STPG2: variants seen among roughly 807,000 people sequenced by gnomAD.
STPG2 encodes the protein sperm tail PG-rich repeat containing 2, also known as sperm-tail PG-rich repeat-containing protein 2.
Under a neutral mutation model 54.2 loss-of-function variants are expected in STPG2, and 56 were observed. That is an observed-to-expected ratio of 1.03 (90% confidence interval 0.83 to 1.29). The LOEUF (loss-of-function observed/expected upper bound fraction) is 1.29, where lower values mean the gene tolerates loss of function less well. STPG2 is among the 50% of genes most tolerant of loss of function. The probability of loss-of-function intolerance (pLI) is 0.00; values close to 1 mark genes in which losing one functional copy is unlikely to be tolerated. For synonymous variants in STPG2, 200 were observed against 181.8 expected (o/e 1.10, Z -0.81); for missense variants, 596 against 544.9 (o/e 1.09, Z -0.93).
chr4:98,031,952 A>C (rs1736613395), intron 5 of STPG2, among the ~76,000 whole-genome samples: 1 of 152,256 alleles, frequency 6.6e-6, no homozygotes, highest in Admixed American at 6.5e-5. Flanking sequence ...AATGGCCAAC[A>C]AACATGAAAA....
chr4:97,836,913 TTAA>T (rs1391853472), intron 9 of STPG2, among the ~76,000 whole-genome samples: 1 of 150,270 alleles, frequency 6.7e-6, no homozygotes, highest in Non-Finnish European at 1.5e-5. Flanking sequence ...TTAATTAACA[TTAA>T]TATTAAGCTC....
chr4:98,141,128 TA>T lies in STPG2; in HGVS notation c.109+1913del, dbSNP rs1740269824. ...TCACGCCCTACAAACTATACATTCT[TA>T]TCAGATGGATTTTATTTAATCCTAT... On this transcript the variant is annotated intron_variant, in intron 1 of 10. Coordinates refer to ENST00000295268, the MANE Select transcript of STPG2 (RefSeq NM_174952.3). 2.0e-5 allele frequency among the ~76,000 whole-genome samples: 3 copies of T among 152,316 alleles called. No homozygotes were observed. In the South Asian group the frequency reaches 6.2e-4, roughly 32 times the overall value.
At chr4:97,525,085 G>A (rs557845609) in intron 4 of STPG2, among the ~76,000 whole-genome samples, 2 of 151,916 alleles carry the variant, frequency 1.3e-5, no homozygotes, top group African/African-American at 4.8e-5. Flanking sequence ...ATTTGAAGAT[G>A]TTATTTATAA....
At chr4:97,820,840 T>C (rs1174261955) in intron 9 of STPG2, among the ~76,000 whole-genome samples, 5 of 152,158 alleles carry the variant, frequency 3.3e-5, no homozygotes, top group South Asian at 2.1e-4. Flanking sequence ...CATTCTCTAT[T>C]GTAAGGAAAG....
At chr4:97,455,929 G>C (rs1729505318) in intron 4 of STPG2, among the ~76,000 whole-genome samples, 1 of 152,148 alleles carries the variant, frequency 6.6e-6, no homozygotes, top group Non-Finnish European at 1.5e-5. Flanking sequence ...CTGAAGAAGT[G>C]AGCCACTCCT....
At chr4:97,786,396 A>C (rs908220368) in intron 9 of STPG2, among the ~76,000 whole-genome samples, 11 of 152,014 alleles carry the variant, frequency 7.2e-5, no homozygotes, top group Non-Finnish European at 1.2e-4. Flanking sequence ...TTCTACTCTA[A>C]AGAGTCGACA....
chr4:98,037,605 A>G (rs970482379), intron 5 of STPG2, among the ~76,000 whole-genome samples: 4 of 152,074 alleles, frequency 2.6e-5, no homozygotes, highest in Non-Finnish European at 5.9e-5. Flanking sequence ...AAAAAAAGAA[A>G]GGGAAAGAGG....
chr4:98,106,034 G>A lies in STPG2; in HGVS notation c.531C>T (p.Asn177=), dbSNP rs755340295. The change falls in exon 5 of 11, where the codon AAC becomes AAT. Residue 177 remains asparagine (N), a synonymous_variant. Coordinates refer to ENST00000295268, the MANE Select transcript of STPG2 (RefSeq NM_174952.3). ...QKKTSYYENV[N]IKRDQQQNYC... is the part of the protein sequence containing the mutation. Reference sequence around the variant, plus strand: ...AATTTTGTTGTTGATCTCTCTTGATGTTAACATTTTCATAATATGATGTCT... The same window carrying A: ...AATTTTGTTGTTGATCTCTCTTGATATTAACATTTTCATAATATGATGTCT... 84 of 1,488,368 alleles carry A rather than the reference G, an allele frequency of 5.6e-5. No individual in the cohort carries two copies. The Middle Eastern group carries it at 1.2e-3, about 22-fold the overall frequency. 92.2% of individuals were successfully genotyped at this position (1,488,368 alleles called of 1,614,324 possible).
chr4:98,065,225 G>C (rs1374072301), intron 5 of STPG2, among the ~76,000 whole-genome samples: 1 of 151,908 alleles, frequency 6.6e-6, no homozygotes, highest in East Asian at 1.9e-4. Flanking sequence ...TTCTATTCAA[G>C]GCAACAAAAT....
chr4:97,635,082 G>A (rs563667365), intron 10 of STPG2, among the ~76,000 whole-genome samples: 1 of 152,088 alleles, frequency 6.6e-6, no homozygotes, highest in Non-Finnish European at 1.5e-5. Flanking sequence ...GTTAAGGGCA[G>A]CCAGAGAGAA....
intron 9 of STPG2, among the ~76,000 whole-genome samples, chr4:97,793,161 C>T (rs186630194): frequency 1.4e-3 from 207 of 151,990 alleles, no homozygotes; most frequent in Admixed American, 0.012. Context: ...AAGTCACTTT[C>T]GCAGTAAGAC....
chr4:97,838,139 C>T (rs926919108), intron 9 of STPG2, among the ~76,000 whole-genome samples: 7 of 151,422 alleles, frequency 4.6e-5, no homozygotes, highest in Non-Finnish European at 1.0e-4. Flanking sequence ...ATAATTTTAT[C>T]TGATGTATAA....
intron 4 of STPG2, among the ~76,000 whole-genome samples, chr4:97,506,019 CAAAAAAAAAAAAAA>C (rs59206485): frequency 3.5e-4 from 6 of 16,922 alleles, no homozygotes; most frequent in Non-Finnish European, 7.5e-4. Context: ...AATAGGAGAC[CAAAAAAAAAAAAAA>C]AAAAAAAAAA....
chr4:98,013,040 G>A (rs1012405532), intron 5 of STPG2, among the ~76,000 whole-genome samples: 2 of 152,178 alleles, frequency 1.3e-5, no homozygotes, highest in Non-Finnish European at 2.9e-5. Flanking sequence ...GTTTTTAAAG[G>A]GAATGCCTCC....
At chr4:97,517,099 C>T (rs952799404) in intron 4 of STPG2, among the ~76,000 whole-genome samples, 8 of 151,664 alleles carry the variant, frequency 5.3e-5, no homozygotes, top group South Asian at 2.1e-4. Flanking sequence ...GTAAAGACAA[C>T]GTTTCACCAT....
intron 9 of STPG2, among the ~76,000 whole-genome samples, chr4:97,833,242 C>T (rs1728524979): frequency 1.3e-5 from 2 of 150,840 alleles, no homozygotes; most frequent in African/African-American, 4.9e-5. Flanking sequence ...ATAAACCTGA[C>T]AAAAGCAATG....
At chr4:98,139,086 G>C (rs541700436) in intron 1 of STPG2, among the ~76,000 whole-genome samples, 4 of 152,232 alleles carry the variant, frequency 2.6e-5, no homozygotes, top group African/African-American at 7.2e-5. Flanking sequence ...TTCAGGCATA[G>C]CTCTCACTAA....
intron 7 of STPG2, among the ~76,000 whole-genome samples, chr4:97,966,778 T>C (rs117530327): frequency 6.6e-6 from 1 of 152,064 alleles, no homozygotes; most frequent in African/African-American, 2.4e-5. Context: ...CTAAGCTTCA[T>C]AAGTAAAAAA....
intron 1 of STPG2, among the ~76,000 whole-genome samples, chr4:98,142,583 C>G (rs1334156892): frequency 6.6e-6 from 1 of 151,754 alleles, no homozygotes; most frequent in Non-Finnish European, 1.5e-5. Context: ...AAAAACGGAA[C>G]TATCTTTAAA....
Sources: gnomAD v4.1 joint callset for allele counts (sites outside exome capture counted in the v4.1 genomes callset) on GRCh38, gnomAD v4.1.1 for gene constraint, MANE v1.5 for transcripts, NCBI Gene and HGNC (gene_info 2026-07-23, HGNC 2026-07-21) for gene names.